Variants in MPP7 observed in about 807,000 individuals in gnomAD.
MPP7 encodes the protein MAGUK p55 subfamily member 7.
Under a neutral mutation model 76.5 loss-of-function variants are expected in MPP7, and 60 were observed. The ratio of observed to expected loss-of-function variants is 0.78; its 90% CI spans 0.64 to 0.97. MPP7 has a LOEUF of 0.97. Among genes scored for constraint, MPP7 ranks in the 50% least tolerant of loss-of-function variants. MPP7 has a pLI of 0.00. For synonymous variants in MPP7, 237 were observed against 244.5 expected, an observed-to-expected ratio of 0.97 and a Z score of 0.29; for missense variants, 641 against 694.0, an observed-to-expected ratio of 0.92 and a Z score of 0.86.
chr10:28,273,109 G>T lies in MPP7; in HGVS notation c.-132+29752C>A, dbSNP rs560681717. Among the ~76,000 whole-genome samples the T allele has an allele frequency of 1.4e-4, 22 of 152,202 alleles. No homozygotes were observed. In the South Asian group the frequency reaches 4.6e-3, roughly 32 times the overall value. On this transcript the variant is annotated intron_variant, in intron 1 of 16. Coordinates refer to ENST00000683449, the MANE Select transcript of MPP7 (RefSeq NM_001318170.2). ...TTTTTTGTATTTTTAGTAGAGATGG[G>T]GTTTCACCATGTTGGCCAGGCTGGT...
Position 28,314,502 on chromosome 10 carries a change from C to T in MPP7, c.-132+15427G>A, listed in dbSNP as rs138040013. On this transcript the variant is annotated intron_variant, in intron 2 of 11. Transcript: ENST00000441595. ...AGAGCTGGTGTTGCAGGAGTTCTAG[C>T]TTCCGCGTATGTTCACTAAAGGCAG... is the stretch of plus-strand genomic sequence containing the variant. Among the ~76,000 whole-genome samples the T allele has an allele frequency of 1.9e-3, 297 of 152,314 alleles. 1 individual carries two copies. The highest frequency in any genetic ancestry group is 6.8e-3 in the African/African-American group (284 of 41,570).
chr10:28,081,056 A>C (rs1024270803), intron 12 of MPP7, among the ~76,000 whole-genome samples: 19 of 152,232 alleles, frequency 1.2e-4, no homozygotes, highest in Non-Finnish European at 4.4e-5. Context: ...TACCTCTGCA[A>C]GCAGTCTTTG....
chr10:28,326,909 C>T (rs148525908), intron 2 of MPP7, among the ~76,000 whole-genome samples: 2 of 152,240 alleles, frequency 1.3e-5, no homozygotes, highest in East Asian at 3.9e-4. Context: ...TGCTTAGATG[C>T]AAGAAAGAGT....
intron 13 of MPP7, among the ~76,000 whole-genome samples, 157 bp downstream of exon 13, chr10:28,069,615 C>CA (rs750224000): frequency 1.4e-3 from 135 of 96,176 alleles, no homozygotes; most frequent in African/African-American, 5.0e-3. Flanking sequence ...AAAAACAAAA[C>CA]AAACAAAAAA....
At chr10:28,096,880 T>C (rs1853594261) in intron 11 of MPP7, among the ~76,000 whole-genome samples, 1 of 152,226 alleles carries the variant, frequency 6.6e-6, no homozygotes, top group South Asian at 2.1e-4. Context: ...AACAACCCTT[T>C]TACTACTTTA....
intron 3 of MPP7, among the ~76,000 whole-genome samples, chr10:28,152,842 T>A (rs570103138): frequency 6.6e-6 from 1 of 152,182 alleles, no homozygotes; most frequent in Non-Finnish European, 1.5e-5. Flanking sequence ...ACCAAAGATG[T>A]GGCTTCATCA....
intron 1 of MPP7, among the ~76,000 whole-genome samples, chr10:28,270,427 T>A (rs1840284229): frequency 6.6e-6 from 1 of 151,398 alleles, no homozygotes; most frequent in Non-Finnish European, 1.5e-5. Flanking sequence ...GGCACCCACC[T>A]GTAGTCCCAG....
At chr10:28,244,042 A>G (rs1452426905) in intron 1 of MPP7, among the ~76,000 whole-genome samples, 2 of 152,186 alleles carry the variant, frequency 1.3e-5, no homozygotes, top group African/African-American at 4.8e-5. Context: ...CATTCTCTGT[A>G]AAGGGCCAGA....
At chr10:28,229,186 T>C (rs1838795950) in intron 2 of MPP7, among the ~76,000 whole-genome samples, 1 of 151,974 alleles carries the variant, frequency 6.6e-6, no homozygotes, top group Non-Finnish European at 1.5e-5. Flanking sequence ...AGACACAGAA[T>C]AGTGAAAGTG....
In MPP7 at chr10:28,051,625, G is replaced by C. The variant is rs1374523327; in HGVS notation, c.*2440C>G. On this transcript the variant is annotated 3_prime_UTR_variant, in exon 17 of 17. Transcript: ENST00000683449. ...TCTCCTTGCTGGAGAAGGAGGCTGG[G>C]GGAAGAAAGTACAGAATTCAGGGCC... The C allele has an allele frequency of 2.0e-5, 3 of 152,104 alleles. No homozygotes were observed. The highest frequency in any genetic ancestry group is 4.4e-5 in the Non-Finnish European group (3 of 68,020). 9.4% of individuals were successfully genotyped at this position (152,104 alleles called of 1,614,324 possible).
intron 3 of MPP7, among the ~76,000 whole-genome samples, chr10:28,193,357 C>T (rs1269254328): frequency 2.6e-5 from 4 of 151,946 alleles, no homozygotes; most frequent in South Asian, 2.1e-4. Flanking sequence ...GGACTACAGG[C>T]GCCCGTCACC....
At chr10:28,281,031 C>G (rs1840655634) in intron 1 of MPP7, among the ~76,000 whole-genome samples, 1 of 151,962 alleles carries the variant, frequency 6.6e-6, no homozygotes, top group South Asian at 2.1e-4. Context: ...GTAATTTAGA[C>G]TCAGTGTGGT....
intron 3 of MPP7, among the ~76,000 whole-genome samples, chr10:28,187,714 T>A (rs1292221100): frequency 1.3e-5 from 2 of 152,210 alleles, no homozygotes; most frequent in African/African-American, 4.8e-5. Context: ...GATTCACTAA[T>A]ATGTAAATAT....
chr10:28,069,738 T>TA, intron 13 of MPP7, 34 bp downstream of exon 13: 1 of 1,473,526 alleles, frequency 6.8e-7, no homozygotes. Flanking sequence ...ATCGTAAGTG[T>TA]AGTCATAGGA....
At chr10:28,304,955 A>G (rs957163015), upstream of MPP7, among the ~76,000 whole-genome samples, 7 of 149,212 alleles carry the variant, frequency 4.7e-5, no homozygotes, top group Non-Finnish European at 8.9e-5. Context: ...TTTTTATCAG[A>G]AGATGGACAA....
intron 3 of MPP7, among the ~76,000 whole-genome samples, chr10:28,200,823 C>T (rs1437665308): frequency 6.6e-6 from 1 of 152,134 alleles, no homozygotes; most frequent in African/African-American, 2.4e-5. Context: ...TTTGTAAATA[C>T]ATACAAATGA....
intron 12 of MPP7, among the ~76,000 whole-genome samples, chr10:28,081,768 C>CT (rs527520547): frequency 0.21 from 29,833 of 143,714 alleles, 4,478 homozygotes; most frequent in East Asian, 0.45. Context: ...AAATTATTCT[C>CT]TTTTTTTTTT....
At chr10:28,085,931 C>T (rs1380800036) in intron 12 of MPP7, among the ~76,000 whole-genome samples, 3 of 152,202 alleles carry the variant, frequency 2.0e-5, no homozygotes, top group African/African-American at 7.2e-5. Context: ...CAATGTGGCA[C>T]ATATACACCA....
At chr10:28,292,328 G>A (rs1840940215) in intron 1 of MPP7, among the ~76,000 whole-genome samples, 1 of 151,982 alleles carries the variant, frequency 6.6e-6, no homozygotes, top group South Asian at 2.1e-4. Flanking sequence ...ATATATGTAG[G>A]ATTCCCCTAC....
Sources: gnomAD v4.1 joint callset for allele counts (sites outside exome capture counted in the v4.1 genomes callset) on GRCh38, gnomAD v4.1.1 for gene constraint, MANE v1.5 for transcripts, NCBI Gene and HGNC (gene_info 2026-07-23, HGNC 2026-07-21) for gene names.